The following MTFR1 variants were observed in gnomAD, a reference collection of about 807,000 sequenced individuals.
MTFR1 encodes the protein chondrocyte protein with a poly-proline region.
In MTFR1, 28 loss-of-function variants were observed where a neutral mutation model predicts 38.8. The ratio of observed to expected loss-of-function variants is 0.72; its 90% CI spans 0.53 to 0.99. The LOEUF (loss-of-function observed/expected upper bound fraction) is 0.99. Among genes scored for constraint, MTFR1 ranks in the 50% least tolerant of loss-of-function variants. The probability of loss-of-function intolerance (pLI) is 0.00; values close to 1 mark genes in which losing one functional copy is unlikely to be tolerated. For synonymous variants in MTFR1, 145 were observed against 137.0 expected (o/e 1.06, Z -0.41); for missense variants, 358 against 395.5 (o/e 0.91, Z 0.81).
chr8:65,729,796 T>C (rs1585834582), intron 3 of MTFR1, among the ~76,000 whole-genome samples: 1 of 151,770 alleles, frequency 6.6e-6, no homozygotes, highest in East Asian at 1.9e-4. Flanking sequence ...CTCGAATTCC[T>C]AATCTCAGGT....
chr8:65,743,302 G>A (rs1485077847), intron 3 of MTFR1, among the ~76,000 whole-genome samples: 1 of 152,202 alleles, frequency 6.6e-6, no homozygotes, highest in African/African-American at 2.4e-5. Flanking sequence ...TCAAAAAGGA[G>A]AAGGGCCAAG....
chr8:65,707,476 A>G (rs1805818535), intron 6 of MTFR1, among the ~76,000 whole-genome samples: 1 of 152,232 alleles, frequency 6.6e-6, no homozygotes, highest in Non-Finnish European at 1.5e-5. Context: ...TTTTATTTAA[A>G]TATCAGCCTT....
chr8:65,687,495 G>A (rs1805123511), intron 3 of MTFR1, among the ~76,000 whole-genome samples: 2 of 151,766 alleles, frequency 1.3e-5, no homozygotes, highest in Non-Finnish European at 2.9e-5. Flanking sequence ...ACAGGCACTC[G>A]CCACCACGCC....
intron 3 of MTFR1, among the ~76,000 whole-genome samples, chr8:65,758,960 C>T (rs377061120): frequency 1.6e-4 from 25 of 152,220 alleles, no homozygotes; most frequent in South Asian, 2.1e-4. Context: ...GTCTCTCTTG[C>T]GGAGAAACAG....
chr8:65,652,317 C>G (rs905594807), intron 1 of MTFR1, among the ~76,000 whole-genome samples: 4 of 152,068 alleles, frequency 2.6e-5, no homozygotes, highest in Non-Finnish European at 5.9e-5. Flanking sequence ...TCTCAAACTC[C>G]TGGCCTCAAG....
intron 3 of MTFR1, among the ~76,000 whole-genome samples, chr8:65,763,097 G>A (rs1027373297): frequency 6.7e-6 from 1 of 149,362 alleles, no homozygotes; most frequent in Non-Finnish European, 1.5e-5. Flanking sequence ...TTAGCCACTC[G>A]TAATCTAAAA....
intron 3 of MTFR1, chr8:65,727,155 T>A: frequency 7.1e-7 from 1 of 1,408,058 alleles, no homozygotes; most frequent in Non-Finnish European, 1.0e-6. Context: ...ATCTTGATGA[T>A]AAAATTGCAC....
intron 4 of MTFR1, among the ~76,000 whole-genome samples, chr8:65,702,943 G>A (rs1204489674): frequency 2.0e-5 from 3 of 152,154 alleles, no homozygotes; most frequent in African/African-American, 7.2e-5. Context: ...GTAAGAACCT[G>A]TGTGCCTTAG....
chr8:65,681,592 AT>A (rs1804890645), intron 2 of MTFR1, among the ~76,000 whole-genome samples: 1 of 151,844 alleles, frequency 6.6e-6, no homozygotes, highest in South Asian at 2.1e-4. Flanking sequence ...AAGAGGGGTC[AT>A]ATACTTGGGG....
chr8:65,749,063 TC>T lies in MTFR1; in HGVS notation c.*49-21881del, dbSNP rs1477564301. Among the ~76,000 whole-genome samples, 11 of 152,294 alleles carry T rather than the reference TC, an allele frequency of 7.2e-5. No homozygotes were observed. The Middle Eastern group carries it at 0.01, about 141-fold the overall frequency. Reference sequence around the variant, plus strand: ...TGTAGACTTGACTCAGCTGTCACCTTCCCTGGGAAGCACATTCAGTACACTG... The same window carrying T: ...TGTAGACTTGACTCAGCTGTCACCTTCCTGGGAAGCACATTCAGTACACTG... On this transcript the variant is annotated intron_variant, in intron 3 of 3. Coordinates refer to the MTFR1 transcript ENST00000521247.
intron 4 of MTFR1, among the ~76,000 whole-genome samples, chr8:65,700,562 C>A (rs934399557): frequency 1.3e-5 from 2 of 152,016 alleles, no homozygotes; most frequent in Non-Finnish European, 2.9e-5. Flanking sequence ...ATCCTGATAA[C>A]TGATAATCTC....
intron 3 of MTFR1, chr8:65,724,466 A>G: frequency 1.3e-5 from 8 of 638,672 alleles, no homozygotes; most frequent in Non-Finnish European, 2.1e-5. Context: ...AGCCAGAAAT[A>G]TAATTCTCCT....
intron 1 of MTFR1, among the ~76,000 whole-genome samples, chr8:65,650,316 C>T (rs763275929): frequency 1.0e-4 from 15 of 150,238 alleles, no homozygotes; most frequent in Non-Finnish European, 1.6e-4. Context: ...GGATTACAGG[C>T]GCCCACCATC....
chr8:65,741,288 C>T (rs935161310), intron 3 of MTFR1, among the ~76,000 whole-genome samples: 1 of 152,056 alleles, frequency 6.6e-6, no homozygotes, highest in African/African-American at 2.4e-5. Flanking sequence ...ATAAAATACA[C>T]GATTCTAGTA....
rs1040227283 is a variant in MTFR1, at chr8:65,660,242, G to T, written c.-80-9631G>T. On this transcript the variant is annotated intron_variant, in intron 1 of 7. Coordinates refer to ENST00000262146, the MANE Select transcript of MTFR1 (RefSeq NM_014637.4). ...GGAGGTGGAGGTTGTGGTGAGCCAA[G>T]ATCATGCCATTGTACTCCAGCCTGG... is the stretch of plus-strand genomic sequence containing the variant. Among the ~76,000 whole-genome samples the T allele has an allele frequency of 1.0e-4, 14 of 137,318 alleles. 1 individual carries two copies. In the Admixed American group the frequency reaches 1.1e-3, roughly 11 times the overall value. 90.1% of individuals were successfully genotyped at this position (137,318 alleles called of 152,430 possible). A position where few individuals can be genotyped will look rare whatever the true frequency, so the allele number is the denominator to read the frequency against.
At chr8:65,674,133 A>G (rs1174549084) in intron 2 of MTFR1, among the ~76,000 whole-genome samples, 1 of 151,992 alleles carries the variant, frequency 6.6e-6, no homozygotes, top group African/African-American at 2.4e-5. Flanking sequence ...GGGTTTCACC[A>G]TGTTGGCCAG....
intron 4 of MTFR1, among the ~76,000 whole-genome samples, chr8:65,697,684 G>A (rs1292346468): frequency 6.6e-6 from 1 of 152,148 alleles, no homozygotes; most frequent in Non-Finnish European, 1.5e-5. Flanking sequence ...TAGTTACTTA[G>A]TTTTTCAAGA....
intron 3 of MTFR1, among the ~76,000 whole-genome samples, chr8:65,732,187 C>T (rs1443220534): frequency 5.9e-5 from 9 of 151,514 alleles, no homozygotes; most frequent in South Asian, 2.1e-4. Flanking sequence ...TTAGTAGAGA[C>T]GGGGTTTCAC....
chr8:65,731,611 T>G (rs1806891113), intron 3 of MTFR1: 1 of 152,200 alleles, frequency 6.6e-6, no homozygotes, highest in African/African-American at 2.4e-5. Context: ...CAAAATGCTT[T>G]ATAATCCACA....
Sources: allele counts gnomAD v4.1 joint callset (sites outside exome capture counted in the v4.1 genomes callset), GRCh38; gene constraint gnomAD v4.1.1; transcripts MANE v1.5; gene names NCBI Gene and HGNC (gene_info 2026-07-23, HGNC 2026-07-21).